WWOX: variants seen among roughly 807,000 people sequenced by gnomAD.
WWOX encodes WW domain containing oxidoreductase.
In WWOX, 69 loss-of-function variants were observed where a neutral mutation model predicts 46.2. The ratio of observed to expected loss-of-function variants is 1.49; its 90% CI spans 1.23 to 1.82. The LOEUF (loss-of-function observed/expected upper bound fraction) is 1.82, where lower values mean the gene tolerates loss of function less well. WWOX is among the 40% of genes most tolerant of loss of function. The pLI, the probability that WWOX is intolerant of heterozygous loss-of-function variation, is 0.00. For missense variants in WWOX, 919 were observed against 542.6 expected (o/e 1.69, Z -6.89); for synonymous variants, 359 against 202.6 (o/e 1.77, Z -6.56).
chr16:79,017,193 G>C (rs1287135351), intron 8 of WWOX: 1 of 152,096 alleles, frequency 6.6e-6, no homozygotes, highest in African/African-American at 2.4e-5. Flanking sequence ...CACTTTGGGA[G>C]GCCAAGGCGG....
chr16:78,786,974 C>G (rs552800733), intron 8 of WWOX, among the ~76,000 whole-genome samples: 3 of 152,186 alleles, frequency 2.0e-5, no homozygotes, highest in Non-Finnish European at 4.4e-5. Flanking sequence ...ATGATGAAAC[C>G]CTGTCTCTAC....
chr16:78,113,102 T>G (rs1258944810), intron 3 of WWOX, among the ~76,000 whole-genome samples: 1 of 152,198 alleles, frequency 6.6e-6, no homozygotes, highest in African/African-American at 2.4e-5. Flanking sequence ...GAAATGGGTA[T>G]TAATCAACCA....
intron 1 of WWOX, among the ~76,000 whole-genome samples, chr16:78,106,035 C>T (rs1597203711): frequency 6.6e-6 from 1 of 152,134 alleles, no homozygotes; most frequent in African/African-American, 2.4e-5. Context: ...CTCCTGGGCT[C>T]TAGCGATCCT....
intron 8 of WWOX, among the ~76,000 whole-genome samples, chr16:79,189,070 C>T (rs950029224): frequency 2.0e-5 from 3 of 151,998 alleles, no homozygotes; most frequent in African/African-American, 4.8e-5. Context: ...AATACAGATA[C>T]GTGTATATAT....
At chr16:78,705,902 A>C (rs1159791036) in intron 8 of WWOX, among the ~76,000 whole-genome samples, 1 of 152,160 alleles carries the variant, frequency 6.6e-6, no homozygotes, top group Admixed American at 6.5e-5. Context: ...ATGACCTGCT[A>C]GATATAAGCA....
intron 8 of WWOX, among the ~76,000 whole-genome samples, chr16:78,772,690 C>G (rs1339629416): frequency 1.3e-5 from 2 of 152,156 alleles, no homozygotes; most frequent in African/African-American, 4.8e-5. Flanking sequence ...ATATGTTTAG[C>G]TCATTCCACA....
At chr16:78,433,185 A>T (rs1313537528) in intron 8 of WWOX, among the ~76,000 whole-genome samples, 6 of 152,198 alleles carry the variant, frequency 3.9e-5, no homozygotes, top group Admixed American at 2.0e-4. Flanking sequence ...TTTCACAGAA[A>T]AACTGTATCT....
chr16:78,481,242 G>C (rs994403843), intron 8 of WWOX, among the ~76,000 whole-genome samples: 4 of 152,150 alleles, frequency 2.6e-5, no homozygotes, highest in Admixed American at 6.5e-5. Context: ...ACTGATGAAA[G>C]CGTACTTCCA....
intron 8 of WWOX, among the ~76,000 whole-genome samples, chr16:78,772,964 G>A (rs1341598099): frequency 6.6e-6 from 1 of 152,202 alleles, no homozygotes; most frequent in Non-Finnish European, 1.5e-5. Flanking sequence ...GGCTGAGGCT[G>A]CAGAAAGCTG....
intron 4 of WWOX, among the ~76,000 whole-genome samples, chr16:78,127,438 C>G (rs1384017446): frequency 6.7e-6 from 1 of 148,252 alleles, no homozygotes; most frequent in Admixed American, 6.8e-5. Flanking sequence ...ACTGGCTTGT[C>G]TTTGGTATGA....
chr16:78,996,082 G>T, intron 8 of WWOX: 1 of 467,596 alleles, frequency 2.1e-6, no homozygotes, highest in Non-Finnish European at 2.8e-6. Flanking sequence ...AAGTTATTTT[G>T]GCAAAATGAA....
intron 8 of WWOX, among the ~76,000 whole-genome samples, chr16:78,798,269 A>C (rs1011476814): frequency 2.6e-5 from 4 of 152,182 alleles, no homozygotes; most frequent in African/African-American, 7.2e-5. Flanking sequence ...ATCTGGGTCA[A>C]AAAGAGTAGA....
At chr16:79,117,831 C>G (rs984454880) in intron 8 of WWOX, among the ~76,000 whole-genome samples, 1 of 152,204 alleles carries the variant, frequency 6.6e-6, no homozygotes, top group Non-Finnish European at 1.5e-5. Context: ...TTCCTCACCC[C>G]TCTCAGCCTT....
chr16:78,402,886 C>T (rs1253907513), intron 6 of WWOX, among the ~76,000 whole-genome samples: 1 of 152,208 alleles, frequency 6.6e-6, no homozygotes, highest in African/African-American at 2.4e-5. Flanking sequence ...TCCACTACCA[C>T]ATGTGAATTA....
At chr16:79,010,263 G>A (rs2047277290) in intron 8 of WWOX, among the ~76,000 whole-genome samples, 1 of 152,176 alleles carries the variant, frequency 6.6e-6, no homozygotes, top group Non-Finnish European at 1.5e-5. Context: ...TGGGGACTCA[G>A]AGAGGAGCAG....
intron 8 of WWOX, among the ~76,000 whole-genome samples, chr16:79,117,541 C>A (rs1334798607): frequency 6.6e-6 from 1 of 152,218 alleles, no homozygotes; most frequent in African/African-American, 2.4e-5. Flanking sequence ...GGAAGAGAGT[C>A]AGCCTGTGCT....
chr16:78,757,971 C>T (rs997328541), intron 8 of WWOX, among the ~76,000 whole-genome samples: 2 of 152,054 alleles, frequency 1.3e-5, no homozygotes, highest in Non-Finnish European at 2.9e-5. Context: ...ATTGATTCCA[C>T]AACACTGACC....
At chr16:78,626,222 G>A (rs971287808) in intron 8 of WWOX, among the ~76,000 whole-genome samples, 4 of 151,660 alleles carry the variant, frequency 2.6e-5, no homozygotes, top group African/African-American at 7.3e-5. Flanking sequence ...CCTCCGCCTC[G>A]CAGGTTTAAG....
chr16:79,083,300 C>T (rs959070722), intron 8 of WWOX, among the ~76,000 whole-genome samples: 18 of 152,080 alleles, frequency 1.2e-4, no homozygotes, highest in African/African-American at 4.1e-4. Context: ...TATTAAGAGC[C>T]AGTGTGTGGT....
Sources: allele counts gnomAD v4.1 joint callset (sites outside exome capture counted in the v4.1 genomes callset), GRCh38; gene constraint gnomAD v4.1.1; transcripts MANE v1.5; gene names NCBI Gene and HGNC (gene_info 2026-07-23, HGNC 2026-07-21).